The following AMY2B variants were observed in gnomAD, a reference collection of about 807,000 sequenced individuals.
AMY2B encodes alpha-amylase 2B.
Under a neutral mutation model 59.3 loss-of-function variants are expected in AMY2B, and 63 were observed. The observed-to-expected ratio is 1.06, with a 90% CI of 0.87 to 1.31. AMY2B has a LOEUF of 1.31. Among genes scored for constraint, AMY2B ranks in the 50% most tolerant of loss-of-function variants. The pLI is 0.00. For synonymous variants in AMY2B, 180 were observed against 198.1 expected (o/e 0.91, Z 0.77); for missense variants, 635 against 626.7 (o/e 1.01, Z -0.14).
intron 1 of AMY2B, among the ~76,000 whole-genome samples, chr1:103,563,601 A>T (rs979599703): frequency 6.6e-6 from 1 of 152,110 alleles, no homozygotes; most frequent in Non-Finnish European, 1.5e-5. Context: ...AAAATATATG[A>T]TAATGCCTGA....
intron 1 of AMY2B, among the ~76,000 whole-genome samples, chr1:103,564,380 A>G (rs1342709008): frequency 2.0e-5 from 3 of 152,046 alleles, no homozygotes; most frequent in Admixed American, 6.6e-5. Flanking sequence ...CTGTATCACT[A>G]TCTAGTCAGT....
chr1:103,563,545 A>G (rs1175948793), intron 1 of AMY2B, among the ~76,000 whole-genome samples: 1 of 152,120 alleles, frequency 6.6e-6, no homozygotes, highest in Non-Finnish European at 1.5e-5. Flanking sequence ...TGGGGTATAT[A>G]GCTCTTCAGA....
chr1:103,572,921 A>G, intron 2 of AMY2B, 142 bp from the exon 3 acceptor site: 2 of 1,509,214 alleles, frequency 1.3e-6, no homozygotes, highest in South Asian at 1.2e-5. Flanking sequence ...TTCACAGTTG[A>G]TTTTTGATCT....
At chr1:103,574,970 C>T (rs1039714964) in intron 5 of AMY2B, among the ~76,000 whole-genome samples, 19 of 149,410 alleles carry the variant, frequency 1.3e-4, no homozygotes, top group East Asian at 3.9e-4. Flanking sequence ...CTTGTATATA[C>T]GAATATAGAC....
chr1:103,566,179 T>C (rs756723887), intron 2 of AMY2B, among the ~76,000 whole-genome samples: 4 of 152,202 alleles, frequency 2.6e-5, no homozygotes, highest in Non-Finnish European at 4.4e-5. Flanking sequence ...AAGTCAATTT[T>C]ATCTCCCCTT....
At chr1:103,576,619 A>C (rs1652364719) in intron 7 of AMY2B, among the ~76,000 whole-genome samples, 1 of 152,148 alleles carries the variant, frequency 6.6e-6, no homozygotes, top group African/African-American at 2.4e-5. Flanking sequence ...AATCAGAAAA[A>C]CATAATATTA....
intron 7 of AMY2B, among the ~76,000 whole-genome samples, chr1:103,576,284 C>T (rs548260097): frequency 4.6e-5 from 7 of 152,208 alleles, no homozygotes; most frequent in South Asian, 2.1e-4. Context: ...ATCTAGCTAG[C>T]TTTTTTTAGA....
At chr1:103,573,521 T>C (rs1273631154) in intron 3 of AMY2B, among the ~76,000 whole-genome samples, 187 bp from the exon 4 acceptor site, 2 of 152,198 alleles carry the variant, frequency 1.3e-5, no homozygotes, top group African/African-American at 4.8e-5. Flanking sequence ...TCCTAAATTC[T>C]CTATTTTCTA....
At chr1:103,578,697 G>A (rs560351001) in intron 9 of AMY2B, among the ~76,000 whole-genome samples, 12 of 151,926 alleles carry the variant, frequency 7.9e-5, no homozygotes, top group African/African-American at 1.9e-4. Context: ...ATAAATTTTT[G>A]TGAGAAAGCT....
Position 103,575,317 on chromosome 1 carries a change from G to A in AMY2B, c.973G>A (p.Ala325Thr), listed in dbSNP as rs200799723. 40 of 1,613,652 alleles carry A rather than the reference G, an allele frequency of 2.5e-5. No individual in the cohort carries two copies. The stretch of plus-strand genomic sequence containing the variant: ...TCAACGAGGACATGGGGCTGGAGGA[G>A]CCTCTATTCTTACCTTCTGGGATGC... ...DNQRGHGAGG[A>T]SILTFWDARL... The change falls in exon 6 of 10, where the codon GCC (alanine) becomes ACC (threonine). Residue 325 changes from alanine (A) to threonine (T), a missense_variant. Ala to Thr is a moderately conservative substitution (Grantham distance 58, BLOSUM62 0). Coordinates refer to ENST00000684275, the MANE Select transcript of AMY2B (RefSeq NM_001387437.1).
At chr1:103,576,042 A>G (rs1217407044) in intron 7 of AMY2B, among the ~76,000 whole-genome samples, 1 of 152,224 alleles carries the variant, frequency 6.6e-6, no homozygotes, top group Non-Finnish European at 1.5e-5. Flanking sequence ...TATATGTACT[A>G]AAGAATGGAA....
intron 3 of AMY2B, 68 bp downstream of exon 3, chr1:103,573,328 A>G: frequency 6.2e-7 from 1 of 1,603,896 alleles, no homozygotes; most frequent in South Asian, 1.1e-5. Flanking sequence ...ACATGTAGCT[A>G]ATTGAACTTC....
intron 1 of AMY2B, among the ~76,000 whole-genome samples, chr1:103,560,783 AAATT>A (rs1165010238): frequency 2.0e-5 from 3 of 152,112 alleles, no homozygotes; most frequent in Non-Finnish European, 4.4e-5. Context: ...AATCTTTTAA[AAATT>A]AATCAGATTA....
At chr1:103,557,822 A>G (rs1651608975) in intron 1 of AMY2B, among the ~76,000 whole-genome samples, 2 of 152,200 alleles carry the variant, frequency 1.3e-5, no homozygotes, top group South Asian at 4.1e-4. Flanking sequence ...ATTCCATTAT[A>G]TGTTATTTAT....
At chr1:103,575,565 A>G (rs1296159775) in intron 7 of AMY2B, 25 bp downstream of exon 7, 1 of 1,610,858 alleles carries the variant, frequency 6.2e-7, no homozygotes, top group African/African-American at 1.3e-5. Context: ...TGTTCAAACT[A>G]TCCTTTTCTC....
chr1:103,575,614 A>C, intron 7 of AMY2B, 74 bp downstream of exon 7: 1 of 1,576,956 alleles, frequency 6.3e-7, no homozygotes, highest in African/African-American at 1.4e-5. Flanking sequence ...TTAATATGAC[A>C]ACTATTAATT....
intron 1 of AMY2B, among the ~76,000 whole-genome samples, chr1:103,557,258 A>G (rs1343999823): frequency 6.6e-6 from 1 of 152,166 alleles, no homozygotes; most frequent in Non-Finnish European, 1.5e-5. Context: ...GGTCTAAGCA[A>G]TGAAGAAAAA....
At chr1:103,567,661 CA>C (rs1405665022), upstream of AMY2B, among the ~76,000 whole-genome samples, 1 of 152,150 alleles carries the variant, frequency 6.6e-6, no homozygotes. Context: ...TTCCCAGAAG[CA>C]GGGTGATTTT....
At chr1:103,563,972 G>T (rs1439527453) in intron 1 of AMY2B, among the ~76,000 whole-genome samples, 1 of 152,108 alleles carries the variant, frequency 6.6e-6, no homozygotes, top group Non-Finnish European at 1.5e-5. Context: ...GTTAAGAAGG[G>T]TAGAATGGGA....
Sources: gnomAD v4.1 joint callset for allele counts (sites outside exome capture counted in the v4.1 genomes callset) on GRCh38, gnomAD v4.1.1 for gene constraint, MANE v1.5 for transcripts, NCBI Gene and HGNC (gene_info 2026-07-23, HGNC 2026-07-21) for gene names.